PPFIBP2: variants seen among roughly 807,000 people sequenced by gnomAD.
PPFIBP2 encodes liprin-beta-2.
In PPFIBP2, 118 loss-of-function variants were observed where a neutral mutation model predicts 118.3. That is an observed-to-expected ratio of 1.00 (90% confidence interval 0.86 to 1.16). PPFIBP2 has a LOEUF of 1.16. Among genes scored for constraint, PPFIBP2 ranks in the 50% most tolerant of loss-of-function variants. The pLI is 0.00. For missense variants in PPFIBP2, 1,195 were observed against 1,073.1 expected, an observed-to-expected ratio of 1.11 and a Z score of -1.59; for synonymous variants, 414 against 397.4, an observed-to-expected ratio of 1.04 and a Z score of -0.50.
the PPFIBP2 span, among the ~76,000 whole-genome samples, chr11:7,663,993 G>A: frequency 1.3e-5 from 2 of 152,038 alleles, no homozygotes; most frequent in African/African-American, 4.8e-5. Context: ...GCAATGCCTT[G>A]CCCTGCTTCG....
At chr11:7,540,250 T>TTG (rs1851640092) in intron 1 of PPFIBP2, among the ~76,000 whole-genome samples, 3 of 121,258 alleles carry the variant, frequency 2.5e-5, no homozygotes, top group African/African-American at 9.5e-5. Context: ...ATGAGGGGTG[T>TTG]GGGGGGGCGG....
chr11:7,647,482 C>T (rs7928345), intron 17 of PPFIBP2, among the ~76,000 whole-genome samples: 10,233 of 152,138 alleles, frequency 0.067, 972 homozygotes, highest in African/African-American at 0.21. Context: ...TCCCCACCCC[C>T]GCAATCCCCA....
chr11:7,565,193 G>A (rs933664239), intron 2 of PPFIBP2, among the ~76,000 whole-genome samples: 2 of 152,156 alleles, frequency 1.3e-5, no homozygotes, highest in African/African-American at 2.4e-5. Flanking sequence ...TGTCCAGCCC[G>A]AGATTAGATA....
chr11:7,574,570 G>A (rs1470779570), intron 3 of PPFIBP2, among the ~76,000 whole-genome samples: 1 of 152,198 alleles, frequency 6.6e-6, no homozygotes. Flanking sequence ...AACATATTTA[G>A]GGGCTCATCT....
At chr11:7,553,038 A>G (rs1853167224) in intron 2 of PPFIBP2, among the ~76,000 whole-genome samples, 1 of 152,058 alleles carries the variant, frequency 6.6e-6, no homozygotes. Context: ...ATTTTAGTTA[A>G]TAAGCATTTA....
At chr11:7,587,840 A>G (rs1228813887) in intron 3 of PPFIBP2, among the ~76,000 whole-genome samples, 1 of 152,206 alleles carries the variant, frequency 6.6e-6, no homozygotes, top group Non-Finnish European at 1.5e-5. Flanking sequence ...GGCAGCCCTC[A>G]TTTATACCAC....
intron 14 of PPFIBP2, among the ~76,000 whole-genome samples, chr11:7,639,496 C>T (rs1268207767): frequency 1.3e-5 from 2 of 152,138 alleles, no homozygotes; most frequent in Non-Finnish European, 2.9e-5. Flanking sequence ...TCAGTCAGCC[C>T]CAGATTTGCA....
intron 1 of PPFIBP2, among the ~76,000 whole-genome samples, chr11:7,546,429 A>G (rs1852332765): frequency 6.6e-6 from 1 of 152,192 alleles, no homozygotes; most frequent in Non-Finnish European, 1.5e-5. Flanking sequence ...TTTGCCAAGT[A>G]CAAACTCATC....
intron 5 of PPFIBP2, among the ~76,000 whole-genome samples, chr11:7,606,855 T>C (rs1000090336): frequency 2.1e-4 from 31 of 149,048 alleles, no homozygotes; most frequent in African/African-American, 6.9e-4. Flanking sequence ...AGCAGTATTT[T>C]GAATGCTGAT....
chr11:7,653,977 C>A (rs1241002615), downstream of PPFIBP2, among the ~76,000 whole-genome samples: 1 of 152,162 alleles, frequency 6.6e-6, no homozygotes, highest in African/African-American at 2.4e-5. Flanking sequence ...ATTTGCTTCC[C>A]TCTGTGAAGC....
At chr11:7,565,361 C>G (rs967105452) in intron 2 of PPFIBP2, among the ~76,000 whole-genome samples, 192 bp from the exon 3 acceptor site, 2 of 152,242 alleles carry the variant, frequency 1.3e-5, no homozygotes, top group African/African-American at 4.8e-5. Flanking sequence ...GCCTGGAACT[C>G]CTAGACTCAA....
chr11:7,632,555 GA>G (rs1424484372), intron 11 of PPFIBP2: 2 of 198,398 alleles, frequency 1.0e-5, no homozygotes, highest in African/African-American at 2.3e-5. Context: ...AAAAGCTGAA[GA>G]ACCAAGATCA....
At chr11:7,527,116 C>T (rs1024117104) in intron 1 of PPFIBP2, among the ~76,000 whole-genome samples, 23 of 150,948 alleles carry the variant, frequency 1.5e-4, no homozygotes, top group African/African-American at 5.3e-4. Flanking sequence ...ACCTACCATA[C>T]CCTAGGAAGT....
At chr11:7,545,169 C>T (rs972963500) in intron 1 of PPFIBP2, among the ~76,000 whole-genome samples, 1 of 152,298 alleles carries the variant, frequency 6.6e-6, no homozygotes, top group East Asian at 1.9e-4. Flanking sequence ...TGGCTCACGC[C>T]TGTAATCCCA....
intron 1 of PPFIBP2, among the ~76,000 whole-genome samples, chr11:7,517,643 G>A (rs1170537611): frequency 9.2e-5 from 14 of 152,106 alleles, no homozygotes; most frequent in Non-Finnish European, 1.6e-4. Context: ...GGGGTGGCTC[G>A]GGGTTAGGAG....
intron 16 of PPFIBP2, 80 bp from the exon 17 acceptor site, chr11:7,642,218 G>C (rs1299073420): frequency 7.7e-6 from 12 of 1,549,394 alleles, no homozygotes; most frequent in Non-Finnish European, 1.1e-5. Context: ...GGCCTGCATG[G>C]CCTTGCAAAA....
chr11:7,611,508 T>G (rs2135500333), intron 6 of PPFIBP2, among the ~76,000 whole-genome samples: 1 of 152,368 alleles, frequency 6.6e-6, no homozygotes, highest in African/African-American at 2.4e-5. Flanking sequence ...GTTCATTAAT[T>G]AGAAGTACAG....
chr11:7,584,089 T>C (rs1857686444), intron 3 of PPFIBP2, among the ~76,000 whole-genome samples: 1 of 152,234 alleles, frequency 6.6e-6, no homozygotes, highest in Admixed American at 6.5e-5. Context: ...CTGCAAAGGT[T>C]GATTTCTTTT....
At chr11:7,539,191 G>A (rs1432090359) in intron 1 of PPFIBP2, 1 of 152,426 alleles carries the variant, frequency 6.6e-6, no homozygotes, top group Non-Finnish European at 1.5e-5. Flanking sequence ...CAGCAACTCT[G>A]ATAGCAACGT....
Sources: gnomAD v4.1 joint callset for allele counts (sites outside exome capture counted in the v4.1 genomes callset) on GRCh38, gnomAD v4.1.1 for gene constraint, MANE v1.5 for transcripts, NCBI Gene and HGNC (gene_info 2026-07-23, HGNC 2026-07-21) for gene names.